The following ANXA8 variants were observed in gnomAD, a reference collection of about 807,000 sequenced individuals.
The protein encoded by ANXA8 is VAC-beta.
A neutral mutation model predicts 26.8 loss-of-function variants in ANXA8; 9 were observed. That is an observed-to-expected ratio of 0.34 (90% CI 0.20 to 0.59). The LOEUF (loss-of-function observed/expected upper bound fraction) is 0.59. ANXA8 is among the 20% of genes least tolerant of loss of function. The pLI, the probability that ANXA8 is intolerant of heterozygous loss-of-function variation, is 0.84. For missense variants in ANXA8, 83 were observed against 238.5 expected, an observed-to-expected ratio of 0.35 and a Z score of 4.29; for synonymous variants, 39 against 94.8, an observed-to-expected ratio of 0.41 and a Z score of 3.42.
At chr10:47,923,589 TGTGG>T in the ANXA8 span, 12 of 32,852 alleles carry the variant, frequency 3.7e-4, no homozygotes, top group Non-Finnish European at 5.6e-4. Context: ...TAAAGAATTC[TGTGG>T]ATGCAAAGCA....
chr10:47,549,366 G>A, the ANXA8 span: 1 of 1,445,972 alleles, frequency 6.9e-7, no homozygotes, highest in South Asian at 1.1e-5. Flanking sequence ...TTCAATAATG[G>A]TGAGTCTGCG....
chr10:47,956,920 A>G, the ANXA8 span, among the ~76,000 whole-genome samples: 2 of 150,268 alleles, frequency 1.3e-5, no homozygotes, highest in African/African-American at 2.5e-5. Flanking sequence ...TGTGCATCCC[A>G]GATACAGGTA....
At chr10:47,559,142 C>CTATTTTTTTTT in the ANXA8 span, among the ~76,000 whole-genome samples, 1 of 73,312 alleles carries the variant, frequency 1.4e-5, no homozygotes, top group Non-Finnish European at 2.5e-5. Flanking sequence ...TGGAGTCTTA[C>CTATTTTTTTTT]TTTTTTTTTT....
At chr10:47,649,254 T>G in the ANXA8 span, among the ~76,000 whole-genome samples, 2 of 151,092 alleles carry the variant, frequency 1.3e-5, no homozygotes, top group Non-Finnish European at 2.9e-5. Flanking sequence ...GAATTAGTAA[T>G]CAATGATACA....
the ANXA8 span, among the ~76,000 whole-genome samples, chr10:47,951,883 T>C: frequency 1.4e-5 from 2 of 147,844 alleles, no homozygotes; most frequent in Admixed American, 1.3e-4. Flanking sequence ...ATGTTGAATC[T>C]AGGAATATAT....
At chr10:47,951,543 C>T in the ANXA8 span, among the ~76,000 whole-genome samples, 1 of 150,636 alleles carries the variant, frequency 6.6e-6, no homozygotes, top group African/African-American at 2.5e-5. Context: ...GGGCACCATG[C>T]TCACGCCTGT....
chr10:47,506,561 C>T, the ANXA8 span, among the ~76,000 whole-genome samples: 1 of 142,280 alleles, frequency 7.0e-6, no homozygotes, highest in Non-Finnish European at 1.5e-5. Context: ...AACTCCTGAC[C>T]TCAAGTGATC....
At chr10:47,500,407 C>A in the ANXA8 span, among the ~76,000 whole-genome samples, 1 of 146,556 alleles carries the variant, frequency 6.8e-6, no homozygotes, top group South Asian at 2.3e-4. Flanking sequence ...TTCCCTCCTG[C>A]ATCACCTATC....
At chr10:47,646,433 C>T in the ANXA8 span, among the ~76,000 whole-genome samples, 1 of 144,478 alleles carries the variant, frequency 6.9e-6, no homozygotes, top group South Asian at 2.2e-4. Context: ...CAAATAATAA[C>T]TTATGACATG....
the ANXA8 span, among the ~76,000 whole-genome samples, chr10:47,744,640 T>A: frequency 2.6e-5 from 4 of 151,740 alleles, no homozygotes; most frequent in Admixed American, 1.3e-4. Context: ...TAGGCAAATA[T>A]CACAATCCGG....
At chr10:47,975,074 A>T in the ANXA8 span, among the ~76,000 whole-genome samples, 1 of 149,748 alleles carries the variant, frequency 6.7e-6, no homozygotes, top group Admixed American at 6.7e-5. Context: ...TTCTAGGACT[A>T]TTGAGAGTTG....
At chr10:47,705,934 GGGCGGA>G in the ANXA8 span, among the ~76,000 whole-genome samples, 8 of 150,472 alleles carry the variant, frequency 5.3e-5, no homozygotes, top group African/African-American at 2.0e-4. Flanking sequence ...GTATTTCGGG[GGGCGGA>G]GGCGGCGGGC....
At chr10:47,777,602 T>C in the ANXA8 span, among the ~76,000 whole-genome samples, 1 of 152,232 alleles carries the variant, frequency 6.6e-6, no homozygotes, top group Non-Finnish European at 1.5e-5. Flanking sequence ...CACCAAATCC[T>C]GGTGGGCAGA....
At chr10:47,654,425 T>TG in the ANXA8 span, among the ~76,000 whole-genome samples, 1 of 144,418 alleles carries the variant, frequency 6.9e-6, no homozygotes, top group East Asian at 2.0e-4. Context: ...AAAGGAGTCA[T>TG]GGGGGAATAT....
At chr10:47,683,815 T>C in the ANXA8 span, among the ~76,000 whole-genome samples, 1 of 151,002 alleles carries the variant, frequency 6.6e-6, no homozygotes, top group African/African-American at 2.4e-5. Context: ...AACTTTATGA[T>C]TTTTTTGGTG....
At chr10:47,603,700 G>C in the ANXA8 span, among the ~76,000 whole-genome samples, 1 of 147,564 alleles carries the variant, frequency 6.8e-6, no homozygotes, top group Non-Finnish European at 1.5e-5. Flanking sequence ...TATTAGAGAC[G>C]GGGTTTCACC....
chr10:47,696,200 G>C, the ANXA8 span, among the ~76,000 whole-genome samples: 1 of 151,796 alleles, frequency 6.6e-6, no homozygotes, highest in Non-Finnish European at 1.5e-5. Context: ...TGAATATAAA[G>C]AAGCAATTTT....
chr10:47,694,892 A>G, the ANXA8 span, among the ~76,000 whole-genome samples: 1 of 151,314 alleles, frequency 6.6e-6, no homozygotes, highest in Non-Finnish European at 1.5e-5. Context: ...TAACATTGGG[A>G]AACCACAGTG....
At chr10:47,474,815 G>A in intron 7 of ANXA8, 130 bp downstream of exon 7, 1 of 1,192,834 alleles carries the variant, frequency 8.4e-7, no homozygotes, top group Non-Finnish European at 1.2e-6. Flanking sequence ...AGACACCACA[G>A]GACAAAGGCC....
Sources: allele counts gnomAD v4.1 joint callset (sites outside exome capture counted in the v4.1 genomes callset), GRCh38; gene constraint gnomAD v4.1.1; transcripts MANE v1.5; gene names NCBI Gene and HGNC (gene_info 2026-07-23, HGNC 2026-07-21).